Variants in TAFA4 observed in about 807,000 individuals in gnomAD.
TAFA4 encodes TAFA chemokine like family member 4.
In TAFA4, 20 loss-of-function variants were observed where a neutral mutation model predicts 21.1. The ratio of observed to expected loss-of-function variants is 0.95; its 90% CI spans 0.67 to 1.38. The LOEUF (loss-of-function observed/expected upper bound fraction) is 1.38. Among genes scored for constraint, TAFA4 ranks in the 40% most tolerant of loss-of-function variants. The pLI, the probability that TAFA4 is intolerant of heterozygous loss-of-function variation, is 0.00. For synonymous variants in TAFA4, 71 were observed against 67.4 expected, an observed-to-expected ratio of 1.05 and a Z score of -0.26; for missense variants, 211 against 180.9, an observed-to-expected ratio of 1.17 and a Z score of -0.95.
At chr3:68,861,095 C>G (rs921895860) in intron 3 of TAFA4, among the ~76,000 whole-genome samples, 2 of 145,558 alleles carry the variant, frequency 1.4e-5, no homozygotes, top group African/African-American at 5.2e-5. Context: ...AATTCCTGAA[C>G]AGTTTCCTAA....
chr3:68,866,248 CCTAGCTATACTT>C (rs1380191086), intron 3 of TAFA4, among the ~76,000 whole-genome samples: 1 of 152,036 alleles, frequency 6.6e-6, no homozygotes, highest in Non-Finnish European at 1.5e-5. Flanking sequence ...GGCATGAACC[CCTAGCTATACTT>C]CTCACATGGC....
intron 1 of TAFA4, among the ~76,000 whole-genome samples, chr3:68,894,865 G>GT (rs1443755856): frequency 5.3e-5 from 8 of 152,122 alleles, no homozygotes; most frequent in South Asian, 2.1e-4. Flanking sequence ...GTTTTGTTTT[G>GT]TTTTTTGTAA....
At chr3:68,802,437 G>T (rs1305430308) in intron 3 of TAFA4, among the ~76,000 whole-genome samples, 3 of 149,714 alleles carry the variant, frequency 2.0e-5, no homozygotes, top group Non-Finnish European at 4.4e-5. Context: ...AGGGGGGTTG[G>T]CAGGAAGGAT....
Position 68,932,260 on chromosome 3 carries a change from A to G in TAFA4, c.-143T>C, listed in dbSNP as rs1290024432. On this transcript the variant is annotated 5_prime_UTR_variant, in exon 1 of 6. Coordinates refer to ENST00000295569, the MANE Select transcript of TAFA4 (RefSeq NM_182522.5). Reference sequence around the variant, plus strand: ...CTTACTCGACTAGAGCCGGCATCCAAGTCGGACCGGCGCGTCCGGAACTAG... The same window carrying G: ...CTTACTCGACTAGAGCCGGCATCCAGGTCGGACCGGCGCGTCCGGAACTAG... 6.6e-6 allele frequency: 1 copy of G among 152,132 alleles called. No homozygotes were observed. Among genetic ancestry groups the G allele is most frequent in the Admixed American group, 6.5e-5 (1 of 15,280 alleles). 9.4% of individuals were successfully genotyped at this position (152,132 alleles called of 1,614,324 possible).
At chr3:68,847,065 C>T (rs1704821192) in intron 3 of TAFA4, among the ~76,000 whole-genome samples, 1 of 152,212 alleles carries the variant, frequency 6.6e-6, no homozygotes, top group Admixed American at 6.5e-5. Context: ...ATCTGCTGCT[C>T]TCTTCAGAGC....
chr3:68,884,192 T>G (rs931505594), intron 2 of TAFA4, among the ~76,000 whole-genome samples: 1 of 152,214 alleles, frequency 6.6e-6, no homozygotes, highest in Non-Finnish European at 1.5e-5. Flanking sequence ...TTCCTCCCGC[T>G]TCCCCTATAT....
At chr3:68,773,333 C>T (rs148480193) in intron 3 of TAFA4, among the ~76,000 whole-genome samples, 10 of 152,302 alleles carry the variant, frequency 6.6e-5, no homozygotes, top group South Asian at 2.1e-4. Context: ...GAAGGGTCCT[C>T]GATGTGGAGT....
At chr3:68,789,126 GGGGCTGAGGCAGGA>G (rs1703317131) in intron 3 of TAFA4, among the ~76,000 whole-genome samples, 2 of 152,020 alleles carry the variant, frequency 1.3e-5, no homozygotes, top group Admixed American at 1.3e-4. Context: ...AGCTACTAGG[GGGGCTGAGGCAGGA>G]GAATGGTGTG....
intron 1 of TAFA4, among the ~76,000 whole-genome samples, chr3:68,919,004 G>A (rs1157774343): frequency 2.6e-5 from 4 of 152,240 alleles, no homozygotes; most frequent in African/African-American, 9.6e-5. Context: ...CTGTAAGAAC[G>A]AAATTCCAAA....
rs527805548 is a variant in TAFA4, at chr3:68,860,824, G to A, written c.130+19906C>T. 3.3e-5 allele frequency among the ~76,000 whole-genome samples: 5 copies of A among 152,082 alleles called. 1 individual carries two copies. Among genetic ancestry groups the A allele is most frequent in the African/African-American group, 9.6e-5 (4 of 41,504 alleles). On this transcript the variant is annotated intron_variant, in intron 3 of 5. Coordinates refer to ENST00000295569, the MANE Select transcript of TAFA4 (RefSeq NM_182522.5). ...CAAGTCCACGTTACTTCTTTAACAC[G>A]TAGGTCCCTAACCCAATAAGCTAAA...
chr3:68,928,780 C>T (rs988379567), intron 1 of TAFA4, among the ~76,000 whole-genome samples: 7 of 152,086 alleles, frequency 4.6e-5, no homozygotes, highest in African/African-American at 1.7e-4. Flanking sequence ...AGGAGTCATT[C>T]TCTCCCAGTC....
At chr3:68,910,752 T>G (rs555101249) in intron 1 of TAFA4, among the ~76,000 whole-genome samples, 1 of 152,182 alleles carries the variant, frequency 6.6e-6, no homozygotes, top group Non-Finnish European at 1.5e-5. Context: ...CACAAAAATA[T>G]TTTATGGGAT....
At chr3:68,743,621 A>AAAG (rs1702399548) in intron 4 of TAFA4, among the ~76,000 whole-genome samples, 3 of 151,870 alleles carry the variant, frequency 2.0e-5, no homozygotes, top group South Asian at 4.2e-4. Flanking sequence ...TTGCAGCCTC[A>AAAG]AATATCATAA....
At chr3:68,822,898 G>C (rs1007065939) in intron 3 of TAFA4, among the ~76,000 whole-genome samples, 1 of 152,118 alleles carries the variant, frequency 6.6e-6, no homozygotes, top group African/African-American at 2.4e-5. Flanking sequence ...ATCCTGGTAA[G>C]TCTGCTTTAC....
intron 3 of TAFA4, among the ~76,000 whole-genome samples, chr3:68,822,460 G>A (rs1873266): frequency 0.2 from 29,986 of 152,000 alleles, 3,879 homozygotes; most frequent in East Asian, 0.61. Flanking sequence ...AGGCAACATT[G>A]CTAAAATTCT....
intron 3 of TAFA4, among the ~76,000 whole-genome samples, chr3:68,815,750 G>T (rs1461452500): frequency 6.6e-6 from 1 of 152,230 alleles, no homozygotes; most frequent in East Asian, 1.9e-4. Context: ...GTGGAAGTCA[G>T]TGTGGCGATT....
chr3:68,797,548 G>A (rs549801167), intron 3 of TAFA4, among the ~76,000 whole-genome samples: 26 of 149,518 alleles, frequency 1.7e-4, no homozygotes, highest in Non-Finnish European at 3.2e-4. Flanking sequence ...GGGAGACAGA[G>A]GTTGCAGTGA....
chr3:68,889,494 T>G (rs1031725686), intron 1 of TAFA4, among the ~76,000 whole-genome samples: 1 of 152,206 alleles, frequency 6.6e-6, no homozygotes, highest in Admixed American at 6.5e-5. Context: ...AGAGAACTAT[T>G]CTTTCAGAAT....
rs557807267 is a variant in TAFA4, at chr3:68,750,288, C to T, written c.286+2575G>A. 1.2e-4 allele frequency among the ~76,000 whole-genome samples: 19 copies of T among 152,194 alleles called. No individual in the cohort carries two copies. In the South Asian group the frequency reaches 3.3e-3, roughly 27 times the overall value. ...CTCCAACCTAGATGACAGAGCAAGA[C>T]CCTATCATTATTTTTAAAAGGGAAG... On this transcript the variant is annotated intron_variant, in intron 4 of 5. Transcript: ENST00000295569.
Sources: gnomAD v4.1 joint callset for allele counts (sites outside exome capture counted in the v4.1 genomes callset) on GRCh38, gnomAD v4.1.1 for gene constraint, MANE v1.5 for transcripts, NCBI Gene and HGNC (gene_info 2026-07-23, HGNC 2026-07-21) for gene names.